FBXO30: variants seen among roughly 807,000 people sequenced by gnomAD.
FBXO30 encodes F-box only protein 30.
A neutral mutation model predicts 58.1 loss-of-function variants in FBXO30; 21 were observed. The ratio of observed to expected loss-of-function variants is 0.36; its 90% CI spans 0.26 to 0.52. The LOEUF (loss-of-function observed/expected upper bound fraction) is 0.52. FBXO30 is among the 20% of genes least tolerant of loss of function. FBXO30 has a pLI of 0.93. For missense variants in FBXO30, 744 were observed against 897.3 expected (o/e 0.83, Z 2.18); for synonymous variants, 309 against 312.4 (o/e 0.99, Z 0.11).
Position 145,800,244 on chromosome 6 carries a change from C to A in FBXO30, c.2100G>T (p.Met700Ile), listed in dbSNP as rs1777955569. 1.2e-6 allele frequency: 2 copies of A among 1,612,864 alleles called. No homozygotes were observed. The highest frequency in any genetic ancestry group is 1.7e-6 in the Non-Finnish European group (2 of 1,179,322). Reference protein sequence around the residue: ...NEWKFADILSMADHLKKCSYN... With the variant: ...NEWKFADILSIADHLKKCSYN... ...AACTGCATTTCTTCAAGTGGTCTGC[C>A]ATGCTTAGGATGTCAGCAAATTTCC... Residue 700 changes from methionine (M) to isoleucine (I), a missense_variant, in exon 3 of 3, where the codon ATG (methionine) becomes ATT (isoleucine). Coordinates refer to ENST00000237281, the MANE Select transcript of FBXO30 (RefSeq NM_032145.5).
Position 145,804,854 on chromosome 6 carries a change from T to C in FBXO30, c.1552A>G (p.Met518Val), listed in dbSNP as rs779400059. ...AACTGTCCACACACAAAGGTAAACA[T>C]TGAACGCTGCTTGGGTTGGTACCTA... Reference protein sequence around the residue: ...VARYQPKQRSMFTFVCGQLFR... With the variant: ...VARYQPKQRSVFTFVCGQLFR... Residue 518 changes from methionine to valine, a missense_variant, in exon 2 of 3, where the codon ATG becomes GTG. Coordinates refer to ENST00000237281, the MANE Select transcript of FBXO30 (RefSeq NM_032145.5). The C allele has an allele frequency of 9.9e-6, 16 of 1,613,792 alleles. No individual in the cohort carries two copies. Among genetic ancestry groups the C allele is most frequent in the African/African-American group, 6.7e-5 (5 of 74,902 alleles).
Position 145,798,438 on chromosome 6 carries a change from AACC to A in FBXO30, c.*1665_*1667del, listed in dbSNP as rs1172033291. The A allele has an allele frequency of 7.2e-5, 11 of 152,598 alleles. No individual in the cohort carries two copies. The East Asian group carries it at 2.1e-3, about 29-fold the overall frequency. The allele number at this position is 152,598 out of a possible 1,614,324, so 9.5% of individuals were successfully genotyped here. On this transcript the variant is annotated 3_prime_UTR_variant, in exon 3 of 3. Coordinates refer to ENST00000237281, the MANE Select transcript of FBXO30 (RefSeq NM_032145.5). ...CAAAAGTTAATGCTTGTGCTATCCT[AACC>A]ACAGACACATTCTTCAGCAAAACTT...
chr6:145,804,355 G>A lies in FBXO30; in HGVS notation c.2034+17C>T. 1 of 1,589,126 alleles carries A rather than the reference G, an allele frequency of 6.3e-7. No individual in the cohort carries two copies. Among genetic ancestry groups the A allele is most frequent in the Non-Finnish European group, 8.6e-7 (1 of 1,167,342 alleles). ...TCCTCTTTATGTCAAATAAGAGGTT[G>A]TAAAGATTACACTAACCTTTTCTTT... On this transcript the variant is annotated intron_variant, in intron 2 of 2. Transcript: ENST00000237281.
chr6:145,801,936 A>G (rs1778011221), intron 2 of FBXO30, among the ~76,000 whole-genome samples: 1 of 152,134 alleles, frequency 6.6e-6, no homozygotes, highest in Non-Finnish European at 1.5e-5. Flanking sequence ...AGCAGGCAAA[A>G]GAAAATGTAT....
At chr6:145,814,018 A>G (rs1778421661) in intron 1 of FBXO30, among the ~76,000 whole-genome samples, 1 of 152,146 alleles carries the variant, frequency 6.6e-6, no homozygotes, top group African/African-American at 2.4e-5. Flanking sequence ...CAGGTCTTGG[A>G]ACAACACAAA....
chr6:145,803,651 T>G (rs1778073843), intron 2 of FBXO30, among the ~76,000 whole-genome samples: 1 of 152,160 alleles, frequency 6.6e-6, no homozygotes, highest in South Asian at 2.1e-4. Context: ...AAGTAGGGTA[T>G]CACAGAAGGA....
chr6:145,808,666 C>A (rs1352534004), intron 1 of FBXO30, among the ~76,000 whole-genome samples: 2 of 152,146 alleles, frequency 1.3e-5, no homozygotes, highest in African/African-American at 2.4e-5. Context: ...TCACTCTCTA[C>A]AATGGATTAC....
intron 1 of FBXO30, among the ~76,000 whole-genome samples, chr6:145,813,342 G>T (rs891264975): frequency 1.3e-5 from 2 of 149,920 alleles, no homozygotes; most frequent in Non-Finnish European, 3.0e-5. Flanking sequence ...AAAAAGTTAC[G>T]TCACGGCATT....
At chr6:145,803,862 T>C (rs976439786) in intron 2 of FBXO30, among the ~76,000 whole-genome samples, 3 of 152,206 alleles carry the variant, frequency 2.0e-5, no homozygotes, top group Non-Finnish European at 2.9e-5. Context: ...CCATATCATA[T>C]ACTCCTCTGG....
In FBXO30 at chr6:145,803,998, G is replaced by A. The variant is rs78999289; in HGVS notation, c.2034+374C>T. ...TAGAATGGAGAGACAATTACAAGCA[G>A]GAAAAAAACCCTCTTCTTGCTTCCT... On this transcript the variant is annotated intron_variant, in intron 2 of 2. Transcript: ENST00000237281. Among the ~76,000 whole-genome samples, 451 of 152,076 alleles carry A rather than the reference G, an allele frequency of 3.0e-3. 1 individual carries two copies. Among genetic ancestry groups the A allele is most frequent in the Non-Finnish European group, 5.3e-3 (361 of 67,948 alleles).
At chr6:145,813,269 C>T (rs997640620) in intron 1 of FBXO30, among the ~76,000 whole-genome samples, 1 of 150,746 alleles carries the variant, frequency 6.6e-6, no homozygotes, top group Non-Finnish European at 1.5e-5. Context: ...TGCCTATATT[C>T]GAAACTTCAG....
In FBXO30 at chr6:145,797,574, C is replaced by T. The variant is rs554908850; in HGVS notation, c.*2532G>A. ...GAGAGAAGCCTAATAATCTGCATTTCTAACAAATTCCTAGGTGTTGATGTT... is the reference window on the plus strand; with the variant it reads ...GAGAGAAGCCTAATAATCTGCATTTTTAACAAATTCCTAGGTGTTGATGTT... On this transcript the variant is annotated 3_prime_UTR_variant, in exon 3 of 3. Transcript: ENST00000237281. 6.6e-6 allele frequency: 1 copy of T among 152,146 alleles called. No homozygotes were observed. The allele number at this position is 152,146 out of a possible 1,614,324, so 9.4% of individuals were successfully genotyped here.
intron 1 of FBXO30, among the ~76,000 whole-genome samples, chr6:145,811,501 G>A (rs1778333042): frequency 6.6e-6 from 1 of 152,148 alleles, no homozygotes; most frequent in Admixed American, 6.5e-5. Context: ...AACATAGGAG[G>A]AAGCATTTAC....
Position 145,805,895 on chromosome 6 carries a change from A to T in FBXO30, c.511T>A (p.Leu171Ile). The change falls in exon 2 of 3, where the codon TTA (leucine) becomes ATA (isoleucine). Residue 171 changes from leucine to isoleucine, a missense_variant. Leu to Ile is a conservative substitution (Grantham distance 5, BLOSUM62 2). Around this residue, in one of 3 missense-constraint regions of FBXO30, gnomAD observed 275 missense variants for 262.0 expected, o/e 1.05. Transcript: ENST00000237281. The part of the protein sequence containing the change: ...SVPEIPHANG[L>I]VSVDEESYGA... ...TAAGATTCTTCATCAACAGACACTA[A>T]ACCATTAGCATGTGGTATTTCTGGG... 1 of 1,614,044 alleles carries T rather than the reference A, an allele frequency of 6.2e-7. No homozygotes were observed. Among genetic ancestry groups the T allele is most frequent in the Non-Finnish European group, 8.5e-7 (1 of 1,179,986 alleles).
Position 145,798,361 on chromosome 6 carries a change from A to G in FBXO30, c.*1745T>C, listed in dbSNP as rs1462590548. 6.6e-6 allele frequency: 1 copy of G among 152,234 alleles called. No individual in the cohort carries two copies. Among genetic ancestry groups the G allele is most frequent in the Non-Finnish European group, 1.5e-5 (1 of 67,962 alleles). The allele number at this position is 152,234 out of a possible 1,614,324, so 9.4% of individuals were successfully genotyped here. ...AAGTATCTCATAATCCAGTGTGGAA[A>G]TAAGAAGTCTAAATTTAAAAACAAT... On this transcript the variant is annotated 3_prime_UTR_variant, in exon 3 of 3. Transcript: ENST00000237281.
intron 2 of FBXO30, among the ~76,000 whole-genome samples, chr6:145,803,221 G>A (rs892236517): frequency 6.6e-6 from 1 of 151,970 alleles, no homozygotes; most frequent in Non-Finnish European, 1.5e-5. Context: ...GATAAAAAGA[G>A]GCCATACTAA....
chr6:145,800,039 A>G lies in FBXO30; in HGVS notation c.*67T>C. The G allele has an allele frequency of 8.5e-7, 1 of 1,171,522 alleles. No homozygotes were observed. Among genetic ancestry groups the G allele is most frequent in the Non-Finnish European group, 1.2e-6 (1 of 802,898 alleles). 72.6% of individuals were successfully genotyped at this position (1,171,522 alleles called of 1,614,324 possible). ...AGTTGTAATATTTAATACATTAATA[A>G]AGTTTCACATATTACAAAGAAATTA... On this transcript the variant is annotated 3_prime_UTR_variant, in exon 3 of 3. Coordinates refer to ENST00000237281, the MANE Select transcript of FBXO30 (RefSeq NM_032145.5).
chr6:145,805,535 T>C lies in FBXO30; in HGVS notation c.871A>G (p.Asn291Asp). The C allele has an allele frequency of 6.2e-7, 1 of 1,606,776 alleles. No individual in the cohort carries two copies. The highest frequency in any genetic ancestry group is 8.5e-7 in the Non-Finnish European group (1 of 1,177,134). Residue 291 changes from asparagine (N) to aspartate (D), a missense_variant, in exon 2 of 3, where the codon AAT becomes GAT. By Grantham distance (23) the Asn-to-Asp change is conservative. Coordinates refer to ENST00000237281, the MANE Select transcript of FBXO30 (RefSeq NM_032145.5). ...SALCNGFPLENICTQVIDQNQ... is the reference protein window; with the variant it reads ...SALCNGFPLEDICTQVIDQNQ... ...TGGTCTATGACCTGGGTACATATAT[T>C]TTCCAAAGGAAAGCCATTACAAAGA...
chr6:145,805,718 C>A lies in FBXO30; in HGVS notation c.688G>T (p.Asp230Tyr). Residue 230 changes from aspartate (D) to tyrosine (Y), a missense_variant, in exon 2 of 3, where the codon GAT becomes TAT. Transcript: ENST00000237281. ...EQQNARESLE[D>Y]QNLKDQDHLY... Reference sequence around the variant, plus strand: ...TGATCTTGGTCTTTCAAGTTTTGATCCTCTAAGCTTTCTCTCGCATTTTGC... The same window carrying A: ...TGATCTTGGTCTTTCAAGTTTTGATACTCTAAGCTTTCTCTCGCATTTTGC... 2 of 1,614,050 alleles carry A rather than the reference C, an allele frequency of 1.2e-6. No homozygotes were observed. The highest frequency in any genetic ancestry group is 8.5e-7 in the Non-Finnish European group (1 of 1,179,964).
Sources: allele counts gnomAD v4.1 joint callset (sites outside exome capture counted in the v4.1 genomes callset), GRCh38; gene constraint gnomAD v4.1.1; regional missense constraint gnomAD v4.1.1; transcripts MANE v1.5; gene names NCBI Gene and HGNC (gene_info 2026-07-23, HGNC 2026-07-21).